Variants in HECTD2 observed in about 807,000 individuals in gnomAD.
HECTD2 encodes HECT domain E3 ubiquitin protein ligase 2.
A neutral mutation model predicts 103.2 loss-of-function variants in HECTD2; 35 were observed. The ratio of observed to expected loss-of-function variants is 0.34; its 90% confidence interval spans 0.26 to 0.45. HECTD2 has a LOEUF of 0.45. HECTD2 is among the 20% of genes least tolerant of loss of function. HECTD2 has a pLI of 1.00. For synonymous variants in HECTD2, 281 were observed against 329.9 expected (o/e 0.85, Z 1.61); for missense variants, 596 against 937.4 (o/e 0.64, Z 4.76).
At chr10:91,413,594 G>C (rs909918223) in intron 1 of HECTD2, among the ~76,000 whole-genome samples, 1 of 152,222 alleles carries the variant, frequency 6.6e-6, no homozygotes, top group Non-Finnish European at 1.5e-5. Context: ...GGTATACCAA[G>C]ATTGAAACTT....
chr10:91,430,902 G>A (rs1313126483), intron 2 of HECTD2, among the ~76,000 whole-genome samples: 1 of 151,230 alleles, frequency 6.6e-6, no homozygotes, highest in Non-Finnish European at 1.5e-5. Context: ...ATCATTATGT[G>A]TGAATTTGAT....
intron 1 of HECTD2, among the ~76,000 whole-genome samples, chr10:91,422,252 A>G (rs797022277): frequency 1.1e-4 from 17 of 152,184 alleles, no homozygotes; most frequent in African/African-American, 3.1e-4. Flanking sequence ...TTCTGATTCT[A>G]TATTCCAACT....
chr10:91,415,828 A>G (rs900505908), intron 1 of HECTD2, among the ~76,000 whole-genome samples: 7 of 152,202 alleles, frequency 4.6e-5, no homozygotes, highest in African/African-American at 1.4e-4. Flanking sequence ...TAGGATATCT[A>G]TTTGCTTTTT....
At chr10:91,498,665 GGTTAA>G (rs1846775649) in intron 16 of HECTD2, among the ~76,000 whole-genome samples, 1 of 152,022 alleles carries the variant, frequency 6.6e-6, no homozygotes, top group Non-Finnish European at 1.5e-5. Context: ...TATTAGGCAG[GGTTAA>G]GTTAAGGCAC....
intron 18 of HECTD2, among the ~76,000 whole-genome samples, chr10:91,499,775 T>C (rs1401260016): frequency 6.6e-6 from 1 of 152,142 alleles, no homozygotes; most frequent in African/African-American, 2.4e-5. Context: ...TTATGAGGGA[T>C]TGGAGTAAGA....
At chr10:91,475,908 G>T (rs1351627539) in intron 5 of HECTD2, among the ~76,000 whole-genome samples, 6 of 152,156 alleles carry the variant, frequency 3.9e-5, no homozygotes, top group Non-Finnish European at 8.8e-5. Flanking sequence ...CCATCCCATG[G>T]TGACCCTGGA....
At chr10:91,488,300 C>G (rs1846338704) in intron 11 of HECTD2, 1 of 152,746 alleles carries the variant, frequency 6.5e-6, no homozygotes, top group African/African-American at 2.4e-5. Context: ...GCATGGAGAC[C>G]CAAAGAGGCT....
intron 14 of HECTD2, among the ~76,000 whole-genome samples, chr10:91,493,789 A>AT (rs200088865): frequency 1.3e-5 from 2 of 151,912 alleles, no homozygotes; most frequent in South Asian, 2.1e-4. Flanking sequence ...AATTTAAGGC[A>AT]TTTTTTAAAA....
At chr10:91,481,758 C>A (rs1340339038) in intron 7 of HECTD2, among the ~76,000 whole-genome samples, 1 of 151,616 alleles carries the variant, frequency 6.6e-6, no homozygotes, top group Non-Finnish European at 1.5e-5. Context: ...CCATAGCTAG[C>A]ATACTATTAA....
At position 91,488,896 on chromosome 10, in the gene HECTD2, A is replaced by T. The variant is rs1468817756; in HGVS notation, c.1191+1118A>T. On this transcript the variant is annotated intron_variant, in intron 11 of 20. Transcript: ENST00000298068. ...TTTAAACAGGTATATTCAGCACCAGAATTGTTACTTGATCTTGGGTAGATA... is the reference window on the plus strand; with the variant it reads ...TTTAAACAGGTATATTCAGCACCAGTATTGTTACTTGATCTTGGGTAGATA... 6.6e-5 allele frequency: 10 copies of T among 152,088 alleles called. 1 individual carries two copies. 9.4% of individuals were successfully genotyped at this position (152,088 alleles called of 1,614,324 possible). A position where few individuals can be genotyped will look rare whatever the true frequency, so the allele number is the denominator to read the frequency against.
At chr10:91,453,326 G>C (rs1844919191) in intron 2 of HECTD2, among the ~76,000 whole-genome samples, 1 of 152,076 alleles carries the variant, frequency 6.6e-6, no homozygotes, top group Admixed American at 6.6e-5. Flanking sequence ...AGCTACTCAG[G>C]AGGCTGACAT....
intron 10 of HECTD2, chr10:91,485,764 A>G (rs1335168216): frequency 6.5e-6 from 1 of 153,330 alleles, no homozygotes; most frequent in Non-Finnish European, 1.4e-5. Context: ...TGTAGGCCAT[A>G]TTTGTCTTAG....
chr10:91,492,537 T>G, intron 13 of HECTD2, 53 bp downstream of exon 13: 1 of 1,333,398 alleles, frequency 7.5e-7, no homozygotes, highest in South Asian at 1.2e-5. Flanking sequence ...ATTGTTAGAG[T>G]GAAGTAGTCA....
chr10:91,461,224 G>A (rs1845334560), intron 3 of HECTD2, 30 bp from the exon 4 acceptor site: 1 of 947,950 alleles, frequency 1.1e-6, no homozygotes, highest in Admixed American at 2.3e-5. Context: ...ATTTCTATAT[G>A]TATATACGGT....
At chr10:91,456,052 G>A (rs1251011189) in intron 2 of HECTD2, among the ~76,000 whole-genome samples, 1 of 152,140 alleles carries the variant, frequency 6.6e-6, no homozygotes, top group Non-Finnish European at 1.5e-5. Flanking sequence ...ACTTAGCAAT[G>A]CGGGCTGTTT....
chr10:91,440,040 T>C (rs1266662942), intron 2 of HECTD2, among the ~76,000 whole-genome samples: 1 of 152,156 alleles, frequency 6.6e-6, no homozygotes, highest in Non-Finnish European at 1.5e-5. Context: ...AGAGACAATT[T>C]GACTTCCTCT....
At chr10:91,489,390 C>T (rs1167084366) in intron 11 of HECTD2, 1 of 152,264 alleles carries the variant, frequency 6.6e-6, no homozygotes, top group East Asian at 1.9e-4. Context: ...TCAGTGTAAG[C>T]AAGAGCTTAT....
intron 2 of HECTD2, among the ~76,000 whole-genome samples, chr10:91,431,669 C>T (rs1174439649): frequency 1.3e-5 from 2 of 152,074 alleles, no homozygotes; most frequent in Non-Finnish European, 2.9e-5. Context: ...CAGTTGATCG[C>T]ATCGGCTCCT....
intron 2 of HECTD2, among the ~76,000 whole-genome samples, chr10:91,453,172 C>T (rs1844911804): frequency 6.6e-6 from 1 of 152,254 alleles, no homozygotes. Context: ...TGACTCACAC[C>T]TGTAATCCCA....
Sources: allele counts gnomAD v4.1 joint callset (sites outside exome capture counted in the v4.1 genomes callset), GRCh38; gene constraint gnomAD v4.1.1; transcripts MANE v1.5; gene names NCBI Gene and HGNC (gene_info 2026-07-23, HGNC 2026-07-21).